The following GBP1 variants were observed in gnomAD, a reference collection of about 807,000 sequenced individuals.
GBP1 encodes the protein guanylate-binding protein 1.
Under a neutral mutation model 69.5 loss-of-function variants are expected in GBP1, and 64 were observed. That is an observed-to-expected ratio of 0.92 (90% confidence interval 0.75 to 1.13). GBP1 has a LOEUF of 1.13. Among genes scored for constraint, GBP1 ranks in the 50% most tolerant of loss-of-function variants. The pLI is 0.00. For synonymous variants in GBP1, 250 were observed against 261.2 expected, an observed-to-expected ratio of 0.96 and a Z score of 0.41; for missense variants, 630 against 704.1, an observed-to-expected ratio of 0.89 and a Z score of 1.19.
rs368456875 is a variant in GBP1 at position 89,058,954 on chromosome 1, C to T, written c.518G>A (p.Ser173Asn). ...TGTCCACACAAAGTCTGGGAAGAAG[C>T]TCACAAAGTCAGCTGAATCCTCAAC... ...NEVEDSADFV[S>N]FFPDFVWTLR... Residue 173 changes from serine to asparagine, a missense_variant, in exon 5 of 11, where the codon AGC (serine) becomes AAC (asparagine). Physicochemically the swap from Ser to Asn is conservative, Grantham distance 46. Coordinates refer to ENST00000370473, the MANE Select transcript of GBP1 (RefSeq NM_002053.3). The T allele has an allele frequency of 4.3e-6, 7 of 1,614,074 alleles. No homozygotes were observed. Among genetic ancestry groups the T allele is most frequent in the Non-Finnish European group, 5.9e-6 (7 of 1,180,050 alleles).
intron 2 of GBP1, among the ~76,000 whole-genome samples, chr1:89,062,287 A>T (rs530743736): frequency 5.9e-5 from 9 of 152,224 alleles, no homozygotes; most frequent in Non-Finnish European, 1.3e-4. Flanking sequence ...AGATGAAGAG[A>T]TAAACAAATT....
intron 2 of GBP1, 41 bp from the exon 3 acceptor site, chr1:89,060,365 C>G (rs764118857): frequency 6.7e-7 from 1 of 1,491,990 alleles, no homozygotes; most frequent in African/African-American, 1.4e-5. Flanking sequence ...GATTTAGTAA[C>G]AGGCAGTTCT....
intron 2 of GBP1, among the ~76,000 whole-genome samples, chr1:89,061,136 A>G (rs1376102440): frequency 6.6e-6 from 1 of 152,224 alleles, no homozygotes; most frequent in African/African-American, 2.4e-5. Flanking sequence ...CAGGTTTGAT[A>G]TAATCCCTAC....
chr1:89,064,234 TGTGTGTGAGA>T (rs1336353838), intron 1 of GBP1, among the ~76,000 whole-genome samples: 20 of 116,532 alleles, frequency 1.7e-4, no homozygotes, highest in African/African-American at 6.5e-4. Flanking sequence ...TGTGTGTGTG[TGTGTGTGAGA>T]GAGAGAGAGA....
chr1:89,058,285 T>C lies in GBP1; in HGVS notation c.632-51A>G, dbSNP rs370105346. ...AAATTGCCTAATATAAGTGTTTCTG[T>C]AAAGGGCCAAATAGTAAATATTTTA... On this transcript the variant is annotated intron_variant, in intron 5 of 10. Coordinates refer to ENST00000370473, the MANE Select transcript of GBP1 (RefSeq NM_002053.3). 1.8e-5 allele frequency: 26 copies of C among 1,452,216 alleles called. No individual in the cohort carries two copies. The South Asian group carries it at 1.9e-4, about 11-fold the overall frequency. 90.0% of individuals were successfully genotyped at this position (1,452,216 alleles called of 1,614,324 possible).
chr1:89,054,361 G>A (rs576685598), intron 10 of GBP1, among the ~76,000 whole-genome samples: 8 of 152,242 alleles, frequency 5.3e-5, no homozygotes, highest in South Asian at 4.2e-4. Flanking sequence ...TGGCCTCCCA[G>A]AGTGCTGGGA....
chr1:89,062,649 T>C (rs944400900), intron 2 of GBP1: 1 of 166,836 alleles, frequency 6.0e-6, no homozygotes, highest in African/African-American at 2.4e-5. Context: ...ATTTTATTTT[T>C]TTTACAACAA....
chr1:89,054,511 C>T (rs1177656387), intron 10 of GBP1, among the ~76,000 whole-genome samples, 171 bp downstream of exon 10: 1 of 152,204 alleles, frequency 6.6e-6, no homozygotes, highest in African/African-American at 2.4e-5. Flanking sequence ...TTTCAGTGAC[C>T]AGACTTGGCA....
chr1:89,060,080 A>T, intron 3 of GBP1, 117 bp downstream of exon 3: 2 of 939,508 alleles, frequency 2.1e-6, no homozygotes, highest in African/African-American at 1.7e-5. Flanking sequence ...CCCTTTATGC[A>T]TCTGTGTTAA....
At position 89,059,425 on chromosome 1, in the gene GBP1, C is replaced by A; in HGVS notation, c.320G>T (p.Gly107Val). Residue 107 changes from glycine (G) to valine (V), a missense_variant and splice_region_variant, in exon 4 of 11, where the codon GGT becomes GTT. Physicochemically the swap from Gly to Val is moderately radical, Grantham distance 109. Around this residue, in one of 5 missense-constraint regions of GBP1, gnomAD observed 131 missense variants for 138.5 expected, o/e 0.95. Transcript: ENST00000370473. ...GATCCAGGAGTCATTCTGGTTGTCA[C>A]CCTGGAAGTCAAGACACACTGGAGT... ...DTEGLGDVEK[G>V]DNQNDSWIFA... The A allele has an allele frequency of 6.2e-7, 1 of 1,614,054 alleles. No individual in the cohort carries two copies. Among genetic ancestry groups the A allele is most frequent in the Non-Finnish European group, 8.5e-7 (1 of 1,179,970 alleles).
intron 5 of GBP1, chr1:89,058,500 C>T (rs1680102073): frequency 5.8e-6 from 3 of 518,038 alleles, no homozygotes; most frequent in African/African-American, 3.8e-5. Context: ...CTTGGACTAG[C>T]ACACGGTTCA....
At chr1:89,062,096 G>A (rs1425391072) in intron 2 of GBP1, among the ~76,000 whole-genome samples, 1 of 152,102 alleles carries the variant, frequency 6.6e-6, no homozygotes, top group African/African-American at 2.4e-5. Flanking sequence ...TGTGGAAAAT[G>A]GTATAGTGAT....
chr1:89,063,605 G>A (rs1365652341), intron 1 of GBP1, among the ~76,000 whole-genome samples: 1 of 152,144 alleles, frequency 6.6e-6, no homozygotes, highest in Non-Finnish European at 1.5e-5. Flanking sequence ...TGTATGTAAG[G>A]AATTCAATAT....
In GBP1 at chr1:89,053,337, A is replaced by C. The variant is rs1356263599; in HGVS notation, c.*18T>G. The C allele has an allele frequency of 6.3e-7, 1 of 1,594,102 alleles. No homozygotes were observed. Among genetic ancestry groups the C allele is most frequent in the Non-Finnish European group, 8.6e-7 (1 of 1,167,532 alleles). On this transcript the variant is annotated 3_prime_UTR_variant, in exon 11 of 11. Transcript: ENST00000370473. ...TTCAATTATGCCTTGGTTAGGGGTG[A>C]CAGGAAGGCTCTGGTCTTTAGCTTA...
chr1:89,059,500 A>G, intron 3 of GBP1, 74 bp from the exon 4 acceptor site: 1 of 1,508,354 alleles, frequency 6.6e-7, no homozygotes, highest in East Asian at 2.3e-5. Flanking sequence ...CAGTAGTAAA[A>G]CTATGTTCAT....
intron 6 of GBP1, 114 bp downstream of exon 6, chr1:89,057,877 AT>A: frequency 1.7e-6 from 2 of 1,179,308 alleles, no homozygotes; most frequent in Non-Finnish European, 2.4e-6. Flanking sequence ...GCCATCTAGA[AT>A]TTAACACAAA....
In GBP1 at chr1:89,054,879, A is replaced by G; in HGVS notation, c.1472-4T>C. 6.2e-7 allele frequency: 1 copy of G among 1,610,658 alleles called. No homozygotes were observed. The highest frequency in any genetic ancestry group is 8.5e-7 in the Non-Finnish European group (1 of 1,178,504). ...GACTCAGCTTTCACACGTTCCACTG[A>G]GGAGGAAAAGGCAGAAGAAAAATTT... On this transcript the variant is annotated splice_region_variant and splice_polypyrimidine_tract_variant and intron_variant, in intron 9 of 10. Coordinates refer to ENST00000370473, the MANE Select transcript of GBP1 (RefSeq NM_002053.3).
Position 89,058,008 on chromosome 1 carries a change from G to T in GBP1, c.858C>A (p.Ile286=), listed in dbSNP as rs538365990. 1.2e-5 allele frequency: 20 copies of T among 1,612,618 alleles called. No homozygotes were observed. The South Asian group carries it at 2.0e-4, about 16-fold the overall frequency. The change falls in exon 6 of 11, where the codon ATC becomes ATA. Residue 286 remains isoleucine, a synonymous_variant. Coordinates refer to ENST00000370473, the MANE Select transcript of GBP1 (RefSeq NM_002053.3). ...GGGACTTACGAGGCCCGTTGACCTG[G>T]ATGCCTCCTGAAAGAGTTTTAGTTT... ...NSKTKTLSGG[I]QVNGPRLESL...
Position 89,054,879 on chromosome 1 carries a change from A to T in GBP1, c.1472-4T>A, listed in dbSNP as rs1680006217. The T allele has an allele frequency of 1.9e-6, 3 of 1,610,658 alleles. No homozygotes were observed. Among genetic ancestry groups the T allele is most frequent in the African/African-American group, 1.3e-5 (1 of 74,718 alleles). ...GACTCAGCTTTCACACGTTCCACTG[A>T]GGAGGAAAAGGCAGAAGAAAAATTT... On this transcript the variant is annotated splice_region_variant and splice_polypyrimidine_tract_variant and intron_variant, in intron 9 of 10. Coordinates refer to ENST00000370473, the MANE Select transcript of GBP1 (RefSeq NM_002053.3).
Sources: gnomAD v4.1 joint callset for allele counts (sites outside exome capture counted in the v4.1 genomes callset) on GRCh38, gnomAD v4.1.1 for gene constraint, gnomAD v4.1.1 regional missense constraint, MANE v1.5 for transcripts, NCBI Gene and HGNC (gene_info 2026-07-23, HGNC 2026-07-21) for gene names.